The following RPRD1A variants were observed in gnomAD, a reference collection of about 807,000 sequenced individuals.
RPRD1A encodes the protein regulation of nuclear pre-mRNA domain-containing protein 1A.
A neutral mutation model predicts 37.8 loss-of-function variants in RPRD1A; 9 were observed. The observed-to-expected ratio is 0.24, with a 90% CI of 0.14 to 0.42. The LOEUF (loss-of-function observed/expected upper bound fraction) is 0.42. RPRD1A is among the 10% of genes least tolerant of loss of function. The pLI, the probability that RPRD1A is intolerant of heterozygous loss-of-function variation, is 1.00. For missense variants in RPRD1A, 255 were observed against 371.0 expected (o/e 0.69, Z 2.57); for synonymous variants, 138 against 139.7 (o/e 0.99, Z 0.08).
intron 6 of RPRD1A, among the ~76,000 whole-genome samples, chr18:36,002,910 C>T (rs1393818228): frequency 1.3e-5 from 2 of 152,198 alleles, no homozygotes; most frequent in Non-Finnish European, 2.9e-5. Context: ...CTGACTCACT[C>T]TTTATTAAAT....
intron 6 of RPRD1A, chr18:36,025,480 T>C (rs1911300487): frequency 2.3e-6 from 1 of 435,130 alleles, no homozygotes; most frequent in South Asian, 2.2e-5. Flanking sequence ...ACACTTCAAA[T>C]ATAAATTCTG....
chr18:36,009,850 T>C (rs1188452583), intron 6 of RPRD1A, among the ~76,000 whole-genome samples: 1 of 152,192 alleles, frequency 6.6e-6, no homozygotes. Flanking sequence ...AAACAGCACA[T>C]GTGGCTGGTG....
At chr18:36,016,019 G>A (rs1402237860) in intron 6 of RPRD1A, among the ~76,000 whole-genome samples, 1 of 152,160 alleles carries the variant, frequency 6.6e-6, no homozygotes, top group Admixed American at 6.5e-5. Context: ...TGTGCACCCA[G>A]AATTTGGTCT....
At chr18:36,019,317 T>C (rs977661911) in intron 6 of RPRD1A, among the ~76,000 whole-genome samples, 7 of 151,762 alleles carry the variant, frequency 4.6e-5, no homozygotes, top group African/African-American at 9.7e-5. Flanking sequence ...CCGTGTTAGC[T>C]GGGATGGTCT....
rs79638939 is a variant in RPRD1A, at chr18:36,018,587, T to C, written c.789+8313A>G. Among the ~76,000 whole-genome samples, 28 of 152,270 alleles carry C rather than the reference T, an allele frequency of 1.8e-4. No homozygotes were observed. The East Asian group carries it at 5.4e-3, about 29-fold the overall frequency. On this transcript the variant is annotated intron_variant, in intron 6 of 6. Coordinates refer to ENST00000399022, the MANE Select transcript of RPRD1A (RefSeq NM_018170.5). ...CGCTCCCAGCCCCAAGTTACATTTCTAATGGCATTCATTTACTTAACACAA... is the reference window on the plus strand; with the variant it reads ...CGCTCCCAGCCCCAAGTTACATTTCCAATGGCATTCATTTACTTAACACAA...
rs552977179 is a variant in RPRD1A at position 36,051,081 on chromosome 18, T to C, written c.151+16173A>G. Among the ~76,000 whole-genome samples the C allele has an allele frequency of 1.8e-4, 28 of 152,266 alleles. No individual in the cohort carries two copies. The South Asian group carries it at 2.1e-3, about 11-fold the overall frequency. On this transcript the variant is annotated intron_variant, in intron 1 of 6. Transcript: ENST00000399022. ...CTTGCTGTGTATGGAAGAAAATTCATGTATACATGGACCCACAAAGGTCAG... is the reference window on the plus strand; with the variant it reads ...CTTGCTGTGTATGGAAGAAAATTCACGTATACATGGACCCACAAAGGTCAG...
chr18:36,061,898 G>T (rs1347591736), intron 1 of RPRD1A, among the ~76,000 whole-genome samples: 65 of 152,180 alleles, frequency 4.3e-4, no homozygotes, highest in Non-Finnish European at 1.5e-5. Flanking sequence ...TAGTCATCTG[G>T]GAAATGCATA....
At chr18:35,999,405 A>G (rs1909284042) in intron 6 of RPRD1A, among the ~76,000 whole-genome samples, 1 of 152,212 alleles carries the variant, frequency 6.6e-6, no homozygotes, top group Non-Finnish European at 1.5e-5. Context: ...AGGAAGTGCT[A>G]TATAATTGTG....
intron 1 of RPRD1A, among the ~76,000 whole-genome samples, chr18:36,057,233 C>T (rs1913852784): frequency 6.6e-6 from 1 of 150,958 alleles, no homozygotes; most frequent in South Asian, 2.1e-4. Flanking sequence ...ACAAGAACAA[C>T]AACAACAAAC....
intron 6 of RPRD1A, among the ~76,000 whole-genome samples, chr18:36,004,439 G>C (rs977146368): frequency 1.3e-5 from 2 of 151,840 alleles, no homozygotes; most frequent in East Asian, 3.9e-4. Context: ...ATTTCTTGTA[G>C]AGACAAGGTC....
At chr18:36,037,931 C>A (rs1912313225) in intron 1 of RPRD1A, among the ~76,000 whole-genome samples, 1 of 152,102 alleles carries the variant, frequency 6.6e-6, no homozygotes, top group African/African-American at 2.4e-5. Flanking sequence ...AAATTTCTAG[C>A]CAGCAAAGCA....
intron 6 of RPRD1A, among the ~76,000 whole-genome samples, chr18:36,001,294 A>T (rs190115231): frequency 2.6e-5 from 4 of 152,310 alleles, no homozygotes; most frequent in Non-Finnish European, 5.9e-5. Context: ...GATAAGCAGC[A>T]TTTAACTTTG....
In RPRD1A at chr18:36,048,077, T is replaced by C. The variant is rs1242194065; in HGVS notation, c.152-14240A>G. ...TGTACCCATTCCTTTTTTTTTTTTTTTTTTTTTTGAGACAGTTTCGCTCTT... is the reference window on the plus strand; with the variant it reads ...TGTACCCATTCCTTTTTTTTTTTTTCTTTTTTTTGAGACAGTTTCGCTCTT... On this transcript the variant is annotated intron_variant, in intron 1 of 6. Coordinates refer to ENST00000399022, the MANE Select transcript of RPRD1A (RefSeq NM_018170.5). Among the ~76,000 whole-genome samples, 20 of 150,010 alleles carry C rather than the reference T, an allele frequency of 1.3e-4. 1 individual carries two copies. The highest frequency in any genetic ancestry group is 1.3e-3 in the Admixed American group (20 of 15,104).
intron 6 of RPRD1A, among the ~76,000 whole-genome samples, chr18:36,009,408 G>A (rs1217797134): frequency 6.6e-6 from 1 of 152,212 alleles, no homozygotes; most frequent in Non-Finnish European, 1.5e-5. Context: ...CTGCAATGGA[G>A]TCACTGTGTG....
At chr18:36,026,529 A>C (rs1027848836) in intron 6 of RPRD1A, 2 of 174,704 alleles carry the variant, frequency 1.1e-5, no homozygotes, top group Non-Finnish European at 2.4e-5. Flanking sequence ...TATACCTAAA[A>C]GACTACATCT....
intron 1 of RPRD1A, among the ~76,000 whole-genome samples, chr18:36,043,747 TAA>T (rs1202174410): frequency 2.0e-5 from 3 of 152,232 alleles, no homozygotes; most frequent in Non-Finnish European, 1.5e-5. Context: ...AGCACTGTTC[TAA>T]GTTTATTATG....
intron 1 of RPRD1A, among the ~76,000 whole-genome samples, chr18:36,039,540 T>C (rs1912437021): frequency 6.6e-6 from 1 of 152,252 alleles, no homozygotes; most frequent in Non-Finnish European, 1.5e-5. Context: ...AAATGTCATC[T>C]CTAGTTCCAC....
At chr18:35,995,342 C>G (rs1218182978) in intron 6 of RPRD1A, among the ~76,000 whole-genome samples, 2 of 149,146 alleles carry the variant, frequency 1.3e-5, no homozygotes, top group Non-Finnish European at 3.0e-5. Context: ...CAGCTCACCA[C>G]AACCTTCACC....
intron 1 of RPRD1A, among the ~76,000 whole-genome samples, chr18:36,048,063 C>CTTTT (rs1156933838): frequency 7.9e-5 from 9 of 114,486 alleles, no homozygotes; most frequent in Middle Eastern, 5.0e-3. Context: ...GTACCCATTC[C>CTTTT]TTTTTTTTTT....
Sources: allele counts gnomAD v4.1 joint callset (sites outside exome capture counted in the v4.1 genomes callset), GRCh38; gene constraint gnomAD v4.1.1; transcripts MANE v1.5; gene names NCBI Gene and HGNC (gene_info 2026-07-23, HGNC 2026-07-21).